XIRP2: variants seen among roughly 807,000 people sequenced by gnomAD.
The protein encoded by XIRP2 is xin actin-binding repeat-containing protein 2.
Under a neutral mutation model 277.0 loss-of-function variants are expected in XIRP2, and 236 were observed. That is an observed-to-expected ratio of 0.85 (90% confidence interval 0.77 to 0.95). The LOEUF is 0.95. Among genes scored for constraint, XIRP2 ranks in the 40% least tolerant of loss-of-function variants. The pLI is 0.00. For missense variants in XIRP2, 4,640 were observed against 4,157.5 expected (o/e 1.12, Z -3.19); for synonymous variants, 1,490 against 1,416.5 (o/e 1.05, Z -1.17).
chr2:167,017,658 C>T (rs920791520), intron 2 of XIRP2, among the ~76,000 whole-genome samples: 2 of 151,944 alleles, frequency 1.3e-5, no homozygotes, highest in Non-Finnish European at 2.9e-5. Flanking sequence ...ATTCCTGCTT[C>T]CACCTCTTGG....
intron 5 of XIRP2, among the ~76,000 whole-genome samples, chr2:167,229,162 G>A (rs1414280035): frequency 6.6e-6 from 1 of 152,068 alleles, no homozygotes; most frequent in Non-Finnish European, 1.5e-5. Flanking sequence ...TTGACATAAT[G>A]GAATTTTATA....
rs374692940 is a variant in XIRP2 at position 167,248,598 on chromosome 2, G to A, written c.7206G>A (p.Ser2402=). 1.2e-5 allele frequency: 20 copies of A among 1,613,478 alleles called. No individual in the cohort carries two copies. Among genetic ancestry groups the A allele is most frequent in the Middle Eastern group, 1.6e-4 (1 of 6,082 alleles). ...FMQQYSQKEA[S]NSQNSQAKII... is the part of the protein sequence containing the mutation. ...AACAATATTCCCAAAAAGAAGCCTC[G>A]AACTCTCAGAATTCTCAGGCTAAAA... The change falls in exon 9 of 11, where the codon TCG becomes TCA. Residue 2402 remains serine, a synonymous_variant. Transcript: ENST00000409195.
intron 2 of XIRP2, among the ~76,000 whole-genome samples, chr2:166,913,316 C>T (rs949745379): frequency 7.6e-6 from 1 of 131,176 alleles, no homozygotes. Context: ...GGGCACCCCC[C>T]CCCCCCAGCC....
At chr2:167,059,985 A>G (rs999618441) in intron 2 of XIRP2, among the ~76,000 whole-genome samples, 6 of 152,154 alleles carry the variant, frequency 3.9e-5, no homozygotes, top group African/African-American at 1.4e-4. Flanking sequence ...AGCCCTGGAG[A>G]ACTGGTGGAC....
chr2:167,232,073 C>T (rs1457385098), intron 5 of XIRP2, among the ~76,000 whole-genome samples: 1 of 152,014 alleles, frequency 6.6e-6, no homozygotes, highest in Non-Finnish European at 1.5e-5. Context: ...CTGTTTAAAT[C>T]AGTCAGACTC....
chr2:167,214,259 A>AGGAAGGAG (rs1259203622), intron 4 of XIRP2, among the ~76,000 whole-genome samples: 4 of 90,136 alleles, frequency 4.4e-5, no homozygotes, highest in African/African-American at 2.2e-4. Context: ...GAAGGAAGGA[A>AGGAAGGAG]AGAGAGAGAG....
At chr2:167,062,028 C>T (rs1435548088) in intron 2 of XIRP2, among the ~76,000 whole-genome samples, 5 of 152,046 alleles carry the variant, frequency 3.3e-5, no homozygotes, top group African/African-American at 1.2e-4. Context: ...CTATTAAGTC[C>T]AGCACCCTCG....
chr2:167,085,575 T>G (rs967633979), intron 2 of XIRP2, among the ~76,000 whole-genome samples: 2 of 152,134 alleles, frequency 1.3e-5, no homozygotes, highest in African/African-American at 4.8e-5. Flanking sequence ...TATGTGTGAG[T>G]CTAAGTCTCT....
At chr2:167,107,954 G>A (rs1024356874) in intron 2 of XIRP2, among the ~76,000 whole-genome samples, 7 of 151,344 alleles carry the variant, frequency 4.6e-5, no homozygotes, top group African/African-American at 1.7e-4. Context: ...AATGAGTTTT[G>A]ATATTTAGTG....
intron 3 of XIRP2, among the ~76,000 whole-genome samples, chr2:167,172,998 T>G (rs1435634197): frequency 6.6e-6 from 1 of 152,220 alleles, no homozygotes; most frequent in African/African-American, 2.4e-5. Flanking sequence ...TTTGGGGAAC[T>G]AATAAATGTC....
In XIRP2 at chr2:167,022,815, T is replaced by C. The variant is rs185399802; in HGVS notation, c.409-113094T>C. ...TATGGCTGCATAGTATTCTATTCCA[T>C]GGTGTATATGTGCCACATTTTCTTA... is the stretch of plus-strand genomic sequence containing the variant. On this transcript the variant is annotated intron_variant, in intron 2 of 10. Transcript: ENST00000409195. Among the ~76,000 whole-genome samples the C allele has an allele frequency of 1.7e-4, 26 of 152,312 alleles. No individual in the cohort carries two copies. The East Asian group carries it at 4.3e-3, about 25-fold the overall frequency.
intron 3 of XIRP2, among the ~76,000 whole-genome samples, chr2:167,183,217 T>C (rs2105358963): frequency 6.6e-6 from 1 of 152,314 alleles, no homozygotes; most frequent in Admixed American, 6.5e-5. Context: ...AAGACATAGA[T>C]TGCAAGTTGT....
chr2:166,936,334 T>C (rs1375251957), intron 2 of XIRP2, among the ~76,000 whole-genome samples: 1 of 152,222 alleles, frequency 6.6e-6, no homozygotes, highest in Admixed American at 6.5e-5. Context: ...ATGAGTAGAT[T>C]GCAAAAATTT....
chr2:166,932,404 A>C (rs1224769783), intron 2 of XIRP2, among the ~76,000 whole-genome samples: 1 of 151,994 alleles, frequency 6.6e-6, no homozygotes, highest in East Asian at 1.9e-4. Context: ...TGTAAAGACA[A>C]GGTCTTACTA....
At chr2:166,901,885 C>T (rs904101400) in intron 1 of XIRP2, among the ~76,000 whole-genome samples, 4 of 152,020 alleles carry the variant, frequency 2.6e-5, no homozygotes, top group African/African-American at 9.7e-5. Flanking sequence ...AAATACCCAC[C>T]TTTCGTCTTC....
chr2:166,903,604 G>A lies in XIRP2; in HGVS notation c.122G>A (p.Ser41Asn), dbSNP rs550955669. Reference sequence around the variant, plus strand: ...TGTACAATTTTCCAGCCTCAGGAAAGCAAATTGCTTGCGCCTGAAGGAGAG... The same window carrying A: ...TGTACAATTTTCCAGCCTCAGGAAAACAAATTGCTTGCGCCTGAAGGAGAG... ...SHCTIFQPQE[S>N]KLLAPEGEVV... The change falls in exon 2 of 11, where the codon AGC becomes AAC. Residue 41 changes from serine to asparagine, a missense_variant. Physicochemically the swap from Ser to Asn is conservative, Grantham distance 46. Coordinates refer to ENST00000409195, the MANE Select transcript of XIRP2 (RefSeq NM_152381.6). The A allele has an allele frequency of 1.2e-5, 20 of 1,613,522 alleles. No homozygotes were observed. The highest frequency in any genetic ancestry group is 2.2e-5 in the East Asian group (1 of 44,826).
At chr2:167,097,828 A>G (rs1690366241) in intron 2 of XIRP2, among the ~76,000 whole-genome samples, 1 of 152,188 alleles carries the variant, frequency 6.6e-6, no homozygotes, top group Non-Finnish European at 1.5e-5. Flanking sequence ...GCTGGATATG[A>G]AATTCTGGGT....
chr2:167,197,782 A>G (rs1693560955), intron 3 of XIRP2, among the ~76,000 whole-genome samples: 1 of 152,014 alleles, frequency 6.6e-6, no homozygotes, highest in Non-Finnish European at 1.5e-5. Flanking sequence ...TTCCGTCCCA[A>G]CTTTCCTCCC....
chr2:167,164,427 AAG>A (rs1159202689), intron 3 of XIRP2, among the ~76,000 whole-genome samples: 1 of 147,072 alleles, frequency 6.8e-6, no homozygotes, highest in East Asian at 2.0e-4. Flanking sequence ...GCCTGGGCGA[AAG>A]AGCGAGACTC....
Sources: gnomAD v4.1 joint callset for allele counts (sites outside exome capture counted in the v4.1 genomes callset) on GRCh38, gnomAD v4.1.1 for gene constraint, MANE v1.5 for transcripts, NCBI Gene and HGNC (gene_info 2026-07-23, HGNC 2026-07-21) for gene names.